The following OR5H1 variants were observed in gnomAD, a reference collection of about 807,000 sequenced individuals.
The protein encoded by OR5H1 is olfactory receptor family 5 subfamily H member 1, also known as olfactory receptor 5H1.
For synonymous variants in OR5H1, 124 were observed against 134.4 expected, an observed-to-expected ratio of 0.92 and a Z score of 0.54; for missense variants, 378 against 366.8, an observed-to-expected ratio of 1.03 and a Z score of -0.25.
In OR5H1 at chr3:98,138,297, T is replaced by C. The variant is rs1278818589; in HGVS notation, c.*4658T>C. ...CCTACCATACGATGTCTGGAATCTA[T>C]AGATAACAACAGTTGCTAGGTGAGG... On this transcript the variant is annotated 3_prime_UTR_variant, in exon 2 of 2. Transcript: ENST00000641874. 1 of 152,186 alleles carries C rather than the reference T, an allele frequency of 6.6e-6. No homozygotes were observed. Among genetic ancestry groups the C allele is most frequent in the Non-Finnish European group, 1.5e-5 (1 of 68,038 alleles). The allele number at this position is 152,186 out of a possible 1,614,324, so 9.4% of individuals were successfully genotyped here.
chr3:98,133,458 C>CCCTT lies in OR5H1; in HGVS notation c.763_766dup (p.Leu256ProfsTer15). 1 of 1,585,682 alleles carries CCCTT rather than the reference C, an allele frequency of 6.3e-7. No individual in the cohort carries two copies. ...TTCTCTGTCTCTTTATACTATGGAC[C>CCCTT]CCTTCTCTTCATTTATGTGGGCCCT... On this transcript the variant is annotated frameshift_variant, in exon 2 of 2. Transcript: ENST00000641874. LOFTEE classifies it low-confidence loss of function (END_TRUNC).
rs1018886364 is a variant in OR5H1, at chr3:98,135,913, T to A, written c.*2274T>A. ...TAAAATGGCAGTTGCAGTCTGATAA[T>A]TTTTCTGTTTTTTAGTCTGAATGTC... is the stretch of plus-strand genomic sequence containing the variant. On this transcript the variant is annotated 3_prime_UTR_variant, in exon 2 of 2. Transcript: ENST00000641874. 1.3e-5 allele frequency: 2 copies of A among 152,190 alleles called. No homozygotes were observed. Among genetic ancestry groups the A allele is most frequent in the African/African-American group, 2.4e-5 (1 of 41,456 alleles). 9.4% of individuals were successfully genotyped at this position (152,190 alleles called of 1,614,324 possible). A position where few individuals can be genotyped will look rare whatever the true frequency, so the allele number is the denominator to read the frequency against.
At position 98,133,441 on chromosome 3, in the gene OR5H1, C is replaced by A; in HGVS notation, c.744C>A (p.Val248=). The change falls in exon 2 of 2, where the codon GTC becomes GTA. Residue 248 remains valine, a synonymous_variant. Transcript: ENST00000641874. ...CCTGTGGAGCCCATCTCTTCTCTGT[C>A]TCTTTATACTATGGACCCCTTCTCT... ...FSTCGAHLFS[V]SLYYGPLLFI... The A allele has an allele frequency of 1.2e-6, 2 of 1,613,492 alleles. No homozygotes were observed. Among genetic ancestry groups the A allele is most frequent in the Non-Finnish European group, 1.7e-6 (2 of 1,179,652 alleles).
At position 98,133,059 on chromosome 3, in the gene OR5H1, A is replaced by T; in HGVS notation, c.362A>T (p.Asp121Val). The change falls in exon 2 of 2, where the codon GAT (aspartate) becomes GTT (valine). Residue 121 changes from aspartate to valine, a missense_variant. Asp to Val is a radical substitution (Grantham distance 152). Coordinates refer to ENST00000641874, the MANE Select transcript of OR5H1 (RefSeq NM_001005338.2). Reference sequence around the variant, plus strand: ...TTTCTCTTGGCAACGATGGCATATGATCGCTATGTAGCCATATGCAAACCT... The same window carrying T: ...TTTCTCTTGGCAACGATGGCATATGTTCGCTATGTAGCCATATGCAAACCT... ...ECFLLATMAY[D>V]RYVAICKPLL... is the part of the protein sequence containing the mutation. 6 of 1,613,612 alleles carry T rather than the reference A, an allele frequency of 3.7e-6. No homozygotes were observed. The highest frequency in any genetic ancestry group is 5.1e-6 in the Non-Finnish European group (6 of 1,179,692).
rs766264851 is a variant in OR5H1 at position 98,136,144 on chromosome 3, C to G, written c.*2505C>G. The G allele has an allele frequency of 6.6e-6, 1 of 152,132 alleles. No homozygotes were observed. Among genetic ancestry groups the G allele is most frequent in the Non-Finnish European group, 1.5e-5 (1 of 68,024 alleles). The allele number at this position is 152,132 out of a possible 1,614,324, so 9.4% of individuals were successfully genotyped here. ...ATTATGGGTGCGCTATATTTTTCTA[C>G]TGAAACATGATTTTTCCCTCCATAA... On this transcript the variant is annotated 3_prime_UTR_variant, in exon 2 of 2. Coordinates refer to ENST00000641874, the MANE Select transcript of OR5H1 (RefSeq NM_001005338.2).
At position 98,137,323 on chromosome 3, in the gene OR5H1, CTT is replaced by C. The variant is rs374215409; in HGVS notation, c.*3686_*3687del. 5 of 152,266 alleles carry C rather than the reference CTT, an allele frequency of 3.3e-5. No homozygotes were observed. Among genetic ancestry groups the C allele is most frequent in the African/African-American group, 9.6e-5 (4 of 41,560 alleles). The allele number at this position is 152,266 out of a possible 1,614,324, so 9.4% of individuals were successfully genotyped here. A position where few individuals can be genotyped will look rare whatever the true frequency, so the allele number is the denominator to read the frequency against. On this transcript the variant is annotated 3_prime_UTR_variant, in exon 2 of 2. Coordinates refer to ENST00000641874, the MANE Select transcript of OR5H1 (RefSeq NM_001005338.2). ...TTGTGTTTCTAACGTTATCAGAAAT[CTT>C]TACTTGTCAGAGCCTTTTCCGCAAA...
Position 98,133,513 on chromosome 3 carries a change from G to A in OR5H1, c.816G>A (p.Met272Ile), listed in dbSNP as rs576551305. Residue 272 changes from methionine (M) to isoleucine (I), a missense_variant, in exon 2 of 2, where the codon ATG becomes ATA. Physicochemically the swap from Met to Ile is conservative, Grantham distance 10. Transcript: ENST00000641874. ...CTCCGCAAGCAGATGATCAAGATATGGTGGAGCCTCTATTCTACACTGTCA... is the reference window on the plus strand; with the variant it reads ...CTCCGCAAGCAGATGATCAAGATATAGTGGAGCCTCTATTCTACACTGTCA... ...PASPQADDQD[M>I]VEPLFYTVII... The A allele has an allele frequency of 6.4e-5, 103 of 1,613,276 alleles. 1 individual carries two copies. In the South Asian group the frequency reaches 1.1e-3, roughly 17 times the overall value.
chr3:98,138,183 T>A lies in OR5H1; in HGVS notation c.*4544T>A, dbSNP rs1301581417. On this transcript the variant is annotated 3_prime_UTR_variant, in exon 2 of 2. Transcript: ENST00000641874. ...GGGGGTCCGCGTGAGAGGGTCGTGATCGATTGAGCAAGCCAGGGGGTACGT... is the reference window on the plus strand; with the variant it reads ...GGGGGTCCGCGTGAGAGGGTCGTGAACGATTGAGCAAGCCAGGGGGTACGT... The A allele has an allele frequency of 6.6e-6, 1 of 152,120 alleles. No individual in the cohort carries two copies. Among genetic ancestry groups the A allele is most frequent in the African/African-American group, 2.4e-5 (1 of 41,428 alleles). 9.4% of individuals were successfully genotyped at this position (152,120 alleles called of 1,614,324 possible).
rs1450555515 is a variant in OR5H1, at chr3:98,134,793, C to T, written c.*1154C>T. 1.3e-5 allele frequency: 2 copies of T among 152,028 alleles called. No homozygotes were observed. Among genetic ancestry groups the T allele is most frequent in the African/African-American group, 4.8e-5 (2 of 41,428 alleles). The allele number at this position is 152,028 out of a possible 1,614,324, so 9.4% of individuals were successfully genotyped here. ...AGGTCCCTAGCATAAAAACTACTCA[C>T]ATGTAGTTTTGCAAACCTCTAGTTA... is the stretch of plus-strand genomic sequence containing the variant. On this transcript the variant is annotated 3_prime_UTR_variant, in exon 2 of 2. Coordinates refer to ENST00000641874, the MANE Select transcript of OR5H1 (RefSeq NM_001005338.2).
chr3:98,133,750 T>C lies in OR5H1; in HGVS notation c.*111T>C. On this transcript the variant is annotated 3_prime_UTR_variant, in exon 2 of 2. Transcript: ENST00000641874. Reference sequence around the variant, plus strand: ...AAGTACAACTGTTCTAGCACTTTAGTGAGCTAATGTTTTAGTACCTAATAA... The same window carrying C: ...AAGTACAACTGTTCTAGCACTTTAGCGAGCTAATGTTTTAGTACCTAATAA... The C allele has an allele frequency of 2.5e-6, 2 of 815,996 alleles. No individual in the cohort carries two copies. Among genetic ancestry groups the C allele is most frequent in the Non-Finnish European group, 3.9e-6 (2 of 508,264 alleles). 50.5% of individuals were successfully genotyped at this position (815,996 alleles called of 1,614,324 possible).
chr3:98,131,059 T>C (rs1559803498), intron 1 of OR5H1, among the ~76,000 whole-genome samples: 3 of 152,030 alleles, frequency 2.0e-5, no homozygotes, highest in Non-Finnish European at 4.4e-5. Context: ...CCTTTAATAT[T>C]TTGCTATTTT....
In OR5H1 at chr3:98,135,364, G is replaced by T. The variant is rs1390509696; in HGVS notation, c.*1725G>T. On this transcript the variant is annotated 3_prime_UTR_variant, in exon 2 of 2. Transcript: ENST00000641874. Reference sequence around the variant, plus strand: ...ATGAGTTGGATTCCTGTTTGCTTAGGTACAAACCCACTTTGCTGGACCCAC... The same window carrying T: ...ATGAGTTGGATTCCTGTTTGCTTAGTTACAAACCCACTTTGCTGGACCCAC... 1 of 152,038 alleles carries T rather than the reference G, an allele frequency of 6.6e-6. No homozygotes were observed. The highest frequency in any genetic ancestry group is 1.5e-5 in the Non-Finnish European group (1 of 67,978). 9.4% of individuals were successfully genotyped at this position (152,038 alleles called of 1,614,324 possible).
chr3:98,132,549 TCA>T, intron 1 of OR5H1, 129 bp from the exon 2 acceptor site: 1 of 956,276 alleles, frequency 1.0e-6, no homozygotes, highest in Non-Finnish European at 1.5e-6. Flanking sequence ...TAGAGATTCA[TCA>T]GCTATAGGAC....
Position 98,133,895 on chromosome 3 carries a change from A to C in OR5H1, c.*256A>C, listed in dbSNP as rs1020809693. ...TATTTAACAGTTGTATATGTTATTC[A>C]ATGTGCATTTATAAATGCATTAATT... On this transcript the variant is annotated 3_prime_UTR_variant, in exon 2 of 2. Transcript: ENST00000641874. The C allele has an allele frequency of 1.5e-5, 5 of 341,686 alleles. No individual in the cohort carries two copies. Among genetic ancestry groups the C allele is most frequent in the African/African-American group, 8.5e-5 (4 of 47,140 alleles). 21.2% of individuals were successfully genotyped at this position (341,686 alleles called of 1,614,324 possible).
Position 98,135,003 on chromosome 3 carries a change from T to C in OR5H1, c.*1364T>C, listed in dbSNP as rs1312778042. 6.6e-6 allele frequency: 1 copy of C among 152,124 alleles called. No individual in the cohort carries two copies. Among genetic ancestry groups the C allele is most frequent in the Non-Finnish European group, 1.5e-5 (1 of 68,012 alleles). 9.4% of individuals were successfully genotyped at this position (152,124 alleles called of 1,614,324 possible). ...ATCTATATGTATACATATGCATATGTTTAGTTTTTCATATGTATACATAGT... is the reference window on the plus strand; with the variant it reads ...ATCTATATGTATACATATGCATATGCTTAGTTTTTCATATGTATACATAGT... On this transcript the variant is annotated 3_prime_UTR_variant, in exon 2 of 2. Coordinates refer to ENST00000641874, the MANE Select transcript of OR5H1 (RefSeq NM_001005338.2).
chr3:98,137,582 G>T lies in OR5H1; in HGVS notation c.*3943G>T, dbSNP rs1708334588. On this transcript the variant is annotated 3_prime_UTR_variant, in exon 2 of 2. Transcript: ENST00000641874. ...TGCTTTCCCATTATATAATTTTTCA[G>T]TGTGCCACAGGACATGTTGAACACA... 1 of 152,084 alleles carries T rather than the reference G, an allele frequency of 6.6e-6. No homozygotes were observed. The highest frequency in any genetic ancestry group is 2.4e-5 in the African/African-American group (1 of 41,402). 9.4% of individuals were successfully genotyped at this position (152,084 alleles called of 1,614,324 possible).
Position 98,133,880 on chromosome 3 carries a change from T to C in OR5H1, c.*241T>C. 1 of 393,548 alleles carries C rather than the reference T, an allele frequency of 2.5e-6. No individual in the cohort carries two copies. The highest frequency in any genetic ancestry group is 3.4e-5 in the South Asian group (1 of 29,762). 24.4% of individuals were successfully genotyped at this position (393,548 alleles called of 1,614,324 possible). On this transcript the variant is annotated 3_prime_UTR_variant, in exon 2 of 2. Transcript: ENST00000641874. Reference sequence around the variant, plus strand: ...GAAATCAAATAAAACTATTTAACAGTTGTATATGTTATTCAATGTGCATTT... The same window carrying C: ...GAAATCAAATAAAACTATTTAACAGCTGTATATGTTATTCAATGTGCATTT...
At chr3:98,131,856 G>A (rs1708260574) in intron 1 of OR5H1, among the ~76,000 whole-genome samples, 1 of 151,848 alleles carries the variant, frequency 6.6e-6, no homozygotes. Context: ...GTCACCAAGG[G>A]ACTCCTCTCT....
Position 98,137,511 on chromosome 3 carries a change from A to G in OR5H1, c.*3872A>G, listed in dbSNP as rs1323448318. ...TATACATCACACCGGCATTTTACAG[A>G]TTGGCAAATCTACGAATATACAATT... On this transcript the variant is annotated 3_prime_UTR_variant, in exon 2 of 2. Transcript: ENST00000641874. 1 of 152,184 alleles carries G rather than the reference A, an allele frequency of 6.6e-6. No homozygotes were observed. Among genetic ancestry groups the G allele is most frequent in the Admixed American group, 6.5e-5 (1 of 15,270 alleles). 9.4% of individuals were successfully genotyped at this position (152,184 alleles called of 1,614,324 possible).
Sources: gnomAD v4.1 joint callset for allele counts (sites outside exome capture counted in the v4.1 genomes callset) on GRCh38, gnomAD v4.1.1 for gene constraint, MANE v1.5 for transcripts, NCBI Gene and HGNC (gene_info 2026-07-23, HGNC 2026-07-21) for gene names.